Variants in LRRC7 observed in about 807,000 individuals in gnomAD.
LRRC7 encodes leucine-rich repeat-containing protein 7.
LRRC7 carries 23 observed loss-of-function variants against 175.7 expected under a neutral mutation model. The observed-to-expected ratio is 0.13, with a 90% CI of 0.09 to 0.19. LRRC7 has a LOEUF of 0.19. LRRC7 is among the 10% of genes least tolerant of loss of function. The pLI, the probability that LRRC7 is intolerant of heterozygous loss-of-function variation, is 1.00. For missense variants in LRRC7, 1,354 were observed against 1,904.7 expected (o/e 0.71, Z 5.38); for synonymous variants, 685 against 680.9 (o/e 1.01, Z -0.09).
At chr1:69,578,690 G>T (rs1646061482) in intron 1 of LRRC7, among the ~76,000 whole-genome samples, 1 of 150,260 alleles carries the variant, frequency 6.7e-6, no homozygotes, top group Non-Finnish European at 1.5e-5. Context: ...ACTATCACAA[G>T]AACAAAAAAC....
At chr1:69,916,563 T>G (rs1408590722) in intron 7 of LRRC7, among the ~76,000 whole-genome samples, 1 of 151,912 alleles carries the variant, frequency 6.6e-6, no homozygotes, top group Non-Finnish European at 1.5e-5. Flanking sequence ...CTGTCAGGAT[T>G]TTTCATTGAC....
chr1:69,746,538 A>C (rs1669273768), intron 2 of LRRC7, among the ~76,000 whole-genome samples: 1 of 152,102 alleles, frequency 6.6e-6, no homozygotes, highest in Admixed American at 6.6e-5. Context: ...AGATTGATGA[A>C]TCTAATTCCA....
At chr1:70,118,826 C>G (rs1666031028) in intron 26 of LRRC7, among the ~76,000 whole-genome samples, 1 of 152,086 alleles carries the variant, frequency 6.6e-6, no homozygotes, top group African/African-American at 2.4e-5. Flanking sequence ...TAAGCTGGTT[C>G]ACTGGATTCA....
chr1:69,583,377 G>C lies in LRRC7; in HGVS notation c.2+14736G>C, dbSNP rs146346495. 3.5e-3 allele frequency among the ~76,000 whole-genome samples: 531 copies of C among 152,074 alleles called. 5 individuals carry two copies. Among genetic ancestry groups the C allele is most frequent in the African/African-American group, 0.012 (502 of 41,522 alleles). On this transcript the variant is annotated intron_variant, in intron 1 of 26. Transcript: ENST00000651989. ...TAATTAAATTCTTCAGAAGTAAATA[G>C]ATTAGATTATTTATGTTGCTACTTC...
At chr1:69,776,129 T>A (rs564426197) in intron 3 of LRRC7, among the ~76,000 whole-genome samples, 4 of 152,172 alleles carry the variant, frequency 2.6e-5, no homozygotes, top group Non-Finnish European at 5.9e-5. Context: ...TCAGCCTCAG[T>A]TTCTCTCCTA....
rs550115201 is a variant in LRRC7 at position 70,061,381 on chromosome 1, G to T, written c.4230+8236G>T. Among the ~76,000 whole-genome samples the T allele has an allele frequency of 2.6e-5, 4 of 152,088 alleles. No individual in the cohort carries two copies. In the South Asian group the frequency reaches 8.3e-4, roughly 32 times the overall value. ...ATCTTGTTCCCCTACCCTCCTTTTG[G>T]TGGTGTCACTTAGAACTTTGTGTCA... On this transcript the variant is annotated intron_variant, in intron 23 of 26. Coordinates refer to ENST00000651989, the MANE Select transcript of LRRC7 (RefSeq NM_001370785.2).
chr1:69,731,484 C>CTA (rs2100819077), intron 2 of LRRC7, among the ~76,000 whole-genome samples: 1 of 152,240 alleles, frequency 6.6e-6, no homozygotes, highest in African/African-American at 2.4e-5. Context: ...TATAAACTTA[C>CTA]TATTGTTTTA....
rs553206926 is a variant in LRRC7, at chr1:69,935,438, A to C, written c.711+3868A>C. 3.0e-4 allele frequency among the ~76,000 whole-genome samples: 46 copies of C among 152,328 alleles called. No homozygotes were observed. The South Asian group carries it at 9.3e-3, about 31-fold the overall frequency. On this transcript the variant is annotated intron_variant, in intron 8 of 26. Transcript: ENST00000651989. ...TGTGCATTCTATTTTATTTTAAAGC[A>C]TGGTTATCAAATTCGAAATCTAGAT...
rs138516375 is a variant in LRRC7 at position 69,647,630 on chromosome 1, G to A, written c.3-30751G>A. ...TAAAGCCTATAGGCCCCTTCAATTT[G>A]AAGCTTATATTTTTATTTACTTCTG... On this transcript the variant is annotated intron_variant, in intron 1 of 26. Coordinates refer to ENST00000651989, the MANE Select transcript of LRRC7 (RefSeq NM_001370785.2). Among the ~76,000 whole-genome samples, 144 of 151,792 alleles carry A rather than the reference G, an allele frequency of 9.5e-4. 2 individuals are homozygous for A. The East Asian group carries it at 0.016, about 16-fold the overall frequency.
At chr1:69,674,594 C>T (rs772345451) in intron 1 of LRRC7, among the ~76,000 whole-genome samples, 43 of 152,016 alleles carry the variant, frequency 2.8e-4, no homozygotes, top group Non-Finnish European at 1.2e-4. Flanking sequence ...TTTTCTAGAA[C>T]TTTAGTTAAT....
Position 70,141,759 on chromosome 1 carries a change from A to ATATT in LRRC7, c.*19873_*19876dup, listed in dbSNP as rs1214440533. Reference sequence around the variant, plus strand: ...TTGGCTCTTTAAAGGTTATTTTCCTATATTAAGAAAAGGTTTCTTATATTG... The same window carrying ATATT: ...TTGGCTCTTTAAAGGTTATTTTCCTATATTTATTAAGAAAAGGTTTCTTATATTG... On this transcript the variant is annotated 3_prime_UTR_variant, in exon 27 of 27. Transcript: ENST00000651989. The ATATT allele has an allele frequency of 1.3e-5, 2 of 152,154 alleles. No individual in the cohort carries two copies. Among genetic ancestry groups the ATATT allele is most frequent in the Non-Finnish European group, 2.9e-5 (2 of 68,000 alleles). 9.4% of individuals were successfully genotyped at this position (152,154 alleles called of 1,614,324 possible). A position where few individuals can be genotyped will look rare whatever the true frequency, so the allele number is the denominator to read the frequency against.
chr1:69,665,842 T>C (rs537348924), intron 1 of LRRC7, among the ~76,000 whole-genome samples: 5 of 152,096 alleles, frequency 3.3e-5, no homozygotes, highest in Admixed American at 6.5e-5. Context: ...TTGCCCTATC[T>C]AGAAATTCCA....
intron 2 of LRRC7, among the ~76,000 whole-genome samples, chr1:69,686,942 G>T (rs926851472): frequency 2.0e-5 from 3 of 152,074 alleles, no homozygotes; most frequent in Non-Finnish European, 2.9e-5. Flanking sequence ...TTAAATGAAA[G>T]CTAGAGTGAC....
At chr1:69,825,928 C>A in intron 5 of LRRC7, 102 bp downstream of exon 5, 1 of 627,068 alleles carries the variant, frequency 1.6e-6, no homozygotes, top group Non-Finnish European at 2.6e-6. Context: ...TTAAATGTAG[C>A]ATTGACATAG....
At chr1:69,900,520 G>GC (rs1646105132) in intron 7 of LRRC7, among the ~76,000 whole-genome samples, 1 of 152,036 alleles carries the variant, frequency 6.6e-6, no homozygotes, top group East Asian at 1.9e-4. Context: ...TGTTGATATT[G>GC]TTTTCTTATT....
At chr1:69,864,459 A>G (rs1684699014) in intron 7 of LRRC7, among the ~76,000 whole-genome samples, 1 of 152,226 alleles carries the variant, frequency 6.6e-6, no homozygotes, top group Non-Finnish European at 1.5e-5. Flanking sequence ...GTGAAAAAGC[A>G]TATTGGCCAG....
At chr1:69,690,847 T>C (rs932438358) in intron 2 of LRRC7, among the ~76,000 whole-genome samples, 2 of 152,048 alleles carry the variant, frequency 1.3e-5, no homozygotes, top group Admixed American at 1.3e-4. Flanking sequence ...GCCTGGAAAA[T>C]TGGAGTTGTT....
chr1:69,817,237 TTA>T (rs917814197), intron 4 of LRRC7, among the ~76,000 whole-genome samples: 2 of 151,168 alleles, frequency 1.3e-5, no homozygotes, highest in African/African-American at 4.9e-5. Flanking sequence ...GTTTCAGGTC[TTA>T]TATATATATA....
intron 23 of LRRC7, among the ~76,000 whole-genome samples, chr1:70,074,035 TACTA>T (rs1397894708): frequency 7.9e-5 from 12 of 152,036 alleles, no homozygotes; most frequent in Admixed American, 7.9e-4. Context: ...ACCCTGTCTC[TACTA>T]AAGATACAAA....
Sources: gnomAD v4.1 joint callset for allele counts (sites outside exome capture counted in the v4.1 genomes callset) on GRCh38, gnomAD v4.1.1 for gene constraint, MANE v1.5 for transcripts, NCBI Gene and HGNC (gene_info 2026-07-23, HGNC 2026-07-21) for gene names.